EYA2: variants seen among roughly 807,000 people sequenced by gnomAD.
EYA2 encodes protein phosphatase EYA2.
A neutral mutation model predicts 69.2 loss-of-function variants in EYA2; 31 were observed. The ratio of observed to expected loss-of-function variants is 0.45; its 90% CI spans 0.34 to 0.60. EYA2 has a LOEUF of 0.60. EYA2 is among the 20% of genes least tolerant of loss of function. The pLI, the probability that EYA2 is intolerant of heterozygous loss-of-function variation, is 0.02. For missense variants in EYA2, 622 were observed against 701.2 expected (o/e 0.89, Z 1.28); for synonymous variants, 257 against 279.4 (o/e 0.92, Z 0.80).
chr20:46,916,994 AG>A (rs1428138062), intron 1 of EYA2, among the ~76,000 whole-genome samples: 2 of 152,186 alleles, frequency 1.3e-5, no homozygotes, highest in Non-Finnish European at 2.9e-5. Context: ...TTATTTAAGG[AG>A]GAAAAAGAGT....
chr20:47,030,227 G>A (rs2146395772), intron 5 of EYA2, among the ~76,000 whole-genome samples: 1 of 152,286 alleles, frequency 6.6e-6, no homozygotes. Flanking sequence ...TCCTTTTGCT[G>A]GACTCTCCAC....
At chr20:46,980,165 C>T (rs1397395151) in intron 1 of EYA2, among the ~76,000 whole-genome samples, 3 of 152,214 alleles carry the variant, frequency 2.0e-5, no homozygotes, top group Non-Finnish European at 4.4e-5. Context: ...GACTCTACCA[C>T]TGACTAGCCA....
At chr20:47,039,484 G>A (rs1007854515) in intron 5 of EYA2, among the ~76,000 whole-genome samples, 3 of 152,248 alleles carry the variant, frequency 2.0e-5, no homozygotes, top group East Asian at 1.9e-4. Flanking sequence ...AATATTTACC[G>A]TCTGTCCCTT....
chr20:47,072,445 T>C (rs1444206986), intron 6 of EYA2, among the ~76,000 whole-genome samples, 193 bp downstream of exon 6: 1 of 152,198 alleles, frequency 6.6e-6, no homozygotes, highest in African/African-American at 2.4e-5. Context: ...GGCGGAGACG[T>C]AGGAATTGTT....
At chr20:47,085,707 G>A (rs1568768749) in intron 7 of EYA2, among the ~76,000 whole-genome samples, 2 of 151,532 alleles carry the variant, frequency 1.3e-5, no homozygotes, top group Admixed American at 1.3e-4. Flanking sequence ...GAATCTCAAA[G>A]CAATTATGCT....
chr20:47,123,340 A>ATAT (rs1430808450), intron 9 of EYA2, among the ~76,000 whole-genome samples: 1 of 152,146 alleles, frequency 6.6e-6, no homozygotes, highest in Admixed American at 6.5e-5. Context: ...TTGAAACTAT[A>ATAT]TATTATTATT....
At chr20:47,183,492 G>C in intron 15 of EYA2, 101 bp downstream of exon 15, 1 of 1,018,360 alleles carries the variant, frequency 9.8e-7, no homozygotes, top group Non-Finnish European at 1.4e-6. Flanking sequence ...CCCGTGGCTG[G>C]CTGGGTCCTC....
intron 5 of EYA2, among the ~76,000 whole-genome samples, chr20:47,036,104 C>G (rs1221944195): frequency 2.6e-5 from 4 of 152,182 alleles, no homozygotes; most frequent in African/African-American, 4.8e-5. Flanking sequence ...CCCTTGGTCA[C>G]CACTTCAGTG....
At chr20:47,156,043 CACACACACATATATATACAT>C (rs1193669157) in intron 10 of EYA2, among the ~76,000 whole-genome samples, 2 of 91,286 alleles carry the variant, frequency 2.2e-5, no homozygotes, top group African/African-American at 1.1e-4. Context: ...CATACACACA[CACACACACATATATATACAT>C]ACACACACAC....
intron 1 of EYA2, among the ~76,000 whole-genome samples, chr20:46,900,157 C>G (rs1189244518): frequency 6.6e-6 from 1 of 151,896 alleles, no homozygotes; most frequent in Non-Finnish European, 1.5e-5. Context: ...GTAATAGATA[C>G]GAACGTATCT....
At chr20:47,091,650 T>A (rs572219142) in intron 8 of EYA2, among the ~76,000 whole-genome samples, 1 of 146,446 alleles carries the variant, frequency 6.8e-6, no homozygotes, top group East Asian at 2.0e-4. Context: ...GGGGCTGAAG[T>A]GGAAGGATCA....
Position 47,162,517 on chromosome 20 carries a change from C to CTTTTTTTT in EYA2, c.979-6611_979-6604dup, listed in dbSNP as rs10634442. Among the ~76,000 whole-genome samples, 20 of 121,570 alleles carry CTTTTTTTT rather than the reference C, an allele frequency of 1.6e-4. 2 individuals are homozygous for CTTTTTTTT. The highest frequency in any genetic ancestry group is 5.2e-4 in the African/African-American group (16 of 30,968). 79.8% of individuals were successfully genotyped at this position (121,570 alleles called of 152,430 possible). On this transcript the variant is annotated intron_variant, in intron 10 of 15. Coordinates refer to ENST00000327619, the MANE Select transcript of EYA2 (RefSeq NM_005244.5). Reference sequence around the variant, plus strand: ...AAAAGCAGTACATACACACATTATCCTTTTTTTTTTTTTTTTTTGAGACAC... The same window carrying CTTTTTTTT: ...AAAAGCAGTACATACACACATTATCCTTTTTTTTTTTTTTTTTTTTTTTTTTGAGACAC...
At position 46,914,641 on chromosome 20, in the gene EYA2, G is replaced by C. The variant is rs560480728; in HGVS notation, c.-11+19654G>C. Reference sequence around the variant, plus strand: ...AACTAACTCACTATTGTGAGACTAGGATGGGAGAAACCACCCCCGTGATTC... The same window carrying C: ...AACTAACTCACTATTGTGAGACTAGCATGGGAGAAACCACCCCCGTGATTC... On this transcript the variant is annotated intron_variant, in intron 1 of 15. Coordinates refer to ENST00000327619, the MANE Select transcript of EYA2 (RefSeq NM_005244.5). Among the ~76,000 whole-genome samples the C allele has an allele frequency of 1.1e-4, 17 of 152,308 alleles. No homozygotes were observed. The South Asian group carries it at 3.5e-3, about 32-fold the overall frequency.
At chr20:46,959,641 TGCACGCACAC>T (rs71183223) in intron 1 of EYA2, among the ~76,000 whole-genome samples, 41,497 of 151,792 alleles carry the variant, frequency 0.27, 6,771 homozygotes, top group Admixed American at 0.39. Flanking sequence ...CGTGCACACA[TGCACGCACAC>T]GCACGCACAC....
chr20:46,931,961 C>T (rs1313889417), intron 1 of EYA2, among the ~76,000 whole-genome samples: 4 of 150,314 alleles, frequency 2.7e-5, no homozygotes, highest in South Asian at 2.1e-4. Flanking sequence ...GTGTCCTCAG[C>T]GCTGTGATCT....
chr20:47,015,247 T>C (rs1983338341), intron 4 of EYA2, among the ~76,000 whole-genome samples: 1 of 152,206 alleles, frequency 6.6e-6, no homozygotes, highest in Non-Finnish European at 1.5e-5. Flanking sequence ...TACAATGCAT[T>C]CATTACATTT....
chr20:46,898,849 C>CATG (rs1274507051), intron 1 of EYA2, among the ~76,000 whole-genome samples: 1 of 152,212 alleles, frequency 6.6e-6, no homozygotes, highest in African/African-American at 2.4e-5. Flanking sequence ...GAGGAAAAGG[C>CATG]ATGAAGGAAG....
chr20:46,937,934 G>T (rs1985989707), intron 1 of EYA2, among the ~76,000 whole-genome samples: 2 of 152,152 alleles, frequency 1.3e-5, no homozygotes, highest in Admixed American at 1.3e-4. Flanking sequence ...ATCCTATGGG[G>T]AGCCAGGCCC....
At chr20:47,045,274 T>C (rs370528619) in intron 5 of EYA2, among the ~76,000 whole-genome samples, 9 of 152,328 alleles carry the variant, frequency 5.9e-5, no homozygotes, top group African/African-American at 1.2e-4. Flanking sequence ...TTGGTTCTCT[T>C]CCACATGGAC....
Sources: gnomAD v4.1 joint callset for allele counts (sites outside exome capture counted in the v4.1 genomes callset) on GRCh38, gnomAD v4.1.1 for gene constraint, MANE v1.5 for transcripts, NCBI Gene and HGNC (gene_info 2026-07-23, HGNC 2026-07-21) for gene names.